KIAA1958: variants seen among roughly 807,000 people sequenced by gnomAD.
KIAA1958 encodes the protein uncharacterized protein KIAA1958.
Under a neutral mutation model 47.2 loss-of-function variants are expected in KIAA1958, and 14 were observed. That is an observed-to-expected ratio of 0.30 (90% confidence interval 0.20 to 0.46). The LOEUF (loss-of-function observed/expected upper bound fraction) is 0.46. Ranked by LOEUF, KIAA1958 falls within the 20% of genes least tolerant of loss-of-function variation. The pLI is 1.00. For synonymous variants in KIAA1958, 354 were observed against 353.3 expected, an observed-to-expected ratio of 1.00 and a Z score of -0.02; for missense variants, 803 against 909.2, an observed-to-expected ratio of 0.88 and a Z score of 1.50.
chr9:112,629,291 G>C (rs1443098630), intron 2 of KIAA1958, among the ~76,000 whole-genome samples: 8 of 152,106 alleles, frequency 5.3e-5, no homozygotes, highest in Non-Finnish European at 1.2e-4. Context: ...CTTTGAGGAT[G>C]CATTTACTTT....
chr9:112,564,554 C>T (rs1835395315), intron 1 of KIAA1958, among the ~76,000 whole-genome samples: 1 of 152,152 alleles, frequency 6.6e-6, no homozygotes, highest in Non-Finnish European at 1.5e-5. Flanking sequence ...ATAATCCTTT[C>T]ATACCTTTTT....
intron 1 of KIAA1958, among the ~76,000 whole-genome samples, chr9:112,550,155 GTCTTC>G (rs1443356247): frequency 1.3e-5 from 2 of 150,916 alleles, no homozygotes. Flanking sequence ...AATTTGGGAT[GTCTTC>G]TCTTTGGCTG....
chr9:112,555,416 C>T (rs773533384), intron 1 of KIAA1958, among the ~76,000 whole-genome samples: 2 of 152,186 alleles, frequency 1.3e-5, no homozygotes, highest in Non-Finnish European at 2.9e-5. Context: ...TCATGGTGTT[C>T]ACCCTCCTGC....
At chr9:112,532,836 G>A (rs1834773566) in intron 1 of KIAA1958, among the ~76,000 whole-genome samples, 1 of 152,294 alleles carries the variant, frequency 6.6e-6, no homozygotes, top group East Asian at 1.9e-4. Flanking sequence ...CAATGGTAAT[G>A]CCTCTTTTCT....
chr9:112,625,341 A>T (rs941173577), intron 2 of KIAA1958, among the ~76,000 whole-genome samples: 5 of 152,104 alleles, frequency 3.3e-5, no homozygotes, highest in Admixed American at 1.3e-4. Context: ...TTTTGTAGAC[A>T]TGGGATCTCA....
At chr9:112,636,356 G>A (rs1836804225) in intron 2 of KIAA1958, among the ~76,000 whole-genome samples, 2 of 151,988 alleles carry the variant, frequency 1.3e-5, no homozygotes, top group Admixed American at 1.3e-4. Flanking sequence ...TGTGTATTCT[G>A]AAGTTGTGTG....
At chr9:112,648,411 T>C (rs997704426) in intron 3 of KIAA1958, among the ~76,000 whole-genome samples, 2 of 152,198 alleles carry the variant, frequency 1.3e-5, no homozygotes, top group South Asian at 2.1e-4. Context: ...CTAAGAGCTC[T>C]GAAGATAATC....
chr9:112,513,606 G>T (rs1358779072), intron 1 of KIAA1958, among the ~76,000 whole-genome samples: 2 of 132,188 alleles, frequency 1.5e-5, no homozygotes, highest in African/African-American at 2.8e-5. Flanking sequence ...TGCCGCGACC[G>T]ACCGCAGCCG....
chr9:112,665,584 C>G lies in KIAA1958; in HGVS notation c.*5515C>G, dbSNP rs1248961664. 6.6e-6 allele frequency: 1 copy of G among 152,128 alleles called. No individual in the cohort carries two copies. The allele number at this position is 152,128 out of a possible 1,614,324, so 9.4% of individuals were successfully genotyped here. A position where few individuals can be genotyped will look rare whatever the true frequency, so the allele number is the denominator to read the frequency against. Reference sequence around the variant, plus strand: ...CCATTAACTTTAAGAAAGTTAAACACAGTTTTGGTTTGTTTGGCAAATATT... The same window carrying G: ...CCATTAACTTTAAGAAAGTTAAACAGAGTTTTGGTTTGTTTGGCAAATATT... On this transcript the variant is annotated 3_prime_UTR_variant, in exon 4 of 4. Transcript: ENST00000337530.
intron 1 of KIAA1958, among the ~76,000 whole-genome samples, chr9:112,516,815 C>G (rs7023600): frequency 0.95 from 145,481 of 152,342 alleles, 69,522 homozygotes; most frequent in African/African-American, 0.98. Flanking sequence ...AATGATTTAC[C>G]AATTGGGCAG....
chr9:112,661,576 G>A lies in KIAA1958; in HGVS notation c.*1507G>A, dbSNP rs1326168179. On this transcript the variant is annotated 3_prime_UTR_variant, in exon 4 of 4. Transcript: ENST00000337530. ...ATTTTAGTATTTATTTTAATTAATT[G>A]GTTTCTTAAAAAATCATACACTAGT... The A allele has an allele frequency of 1.3e-5, 2 of 151,976 alleles. No individual in the cohort carries two copies. The highest frequency in any genetic ancestry group is 2.9e-5 in the Non-Finnish European group (2 of 67,980). The allele number at this position is 151,976 out of a possible 1,614,324, so 9.4% of individuals were successfully genotyped here.
Position 112,495,952 on chromosome 9 carries a change from G to A in KIAA1958, c.-25+8834G>A, listed in dbSNP as rs552638248. 1.5e-4 allele frequency among the ~76,000 whole-genome samples: 23 copies of A among 152,100 alleles called. No homozygotes were observed. In the South Asian group the frequency reaches 2.3e-3, roughly 15 times the overall value. Reference sequence around the variant, plus strand: ...AGGAGAGGTTACTTGGAAGAGAATCGTGGTGCCCAGCCAATGACCAGTACT... The same window carrying A: ...AGGAGAGGTTACTTGGAAGAGAATCATGGTGCCCAGCCAATGACCAGTACT... On this transcript the variant is annotated intron_variant, in intron 1 of 3. Coordinates refer to ENST00000337530, the MANE Select transcript of KIAA1958 (RefSeq NM_133465.4).
chr9:112,547,642 A>T (rs887006886), intron 1 of KIAA1958, among the ~76,000 whole-genome samples: 1 of 152,166 alleles, frequency 6.6e-6, no homozygotes, highest in Non-Finnish European at 1.5e-5. Context: ...GAAGGCGCTG[A>T]AAGAAATTGA....
intron 2 of KIAA1958, among the ~76,000 whole-genome samples, chr9:112,605,500 A>G (rs1836215907): frequency 6.6e-6 from 1 of 152,204 alleles, no homozygotes; most frequent in African/African-American, 2.4e-5. Flanking sequence ...TACACAAAGC[A>G]GAGTTTATTG....
intron 1 of KIAA1958, among the ~76,000 whole-genome samples, chr9:112,531,225 C>T (rs1054142328): frequency 1.3e-5 from 2 of 152,066 alleles, no homozygotes; most frequent in African/African-American, 2.4e-5. Flanking sequence ...CCCATCTCTA[C>T]TAAAAATACA....
chr9:112,575,571 A>AG (rs770481123), intron 2 of KIAA1958, among the ~76,000 whole-genome samples: 9 of 152,112 alleles, frequency 5.9e-5, no homozygotes, highest in Non-Finnish European at 4.4e-5. Context: ...AGTTTTAAAA[A>AG]TATGCTTCTC....
chr9:112,657,072 A>G (rs1837164195), intron 3 of KIAA1958, among the ~76,000 whole-genome samples: 1 of 151,746 alleles, frequency 6.6e-6, no homozygotes, highest in South Asian at 2.1e-4. Context: ...TTTCTAGTCC[A>G]TTAATTTTTT....
intron 1 of KIAA1958, among the ~76,000 whole-genome samples, chr9:112,533,538 G>A (rs1023315959): frequency 2.1e-4 from 28 of 134,742 alleles, no homozygotes; most frequent in Non-Finnish European, 2.0e-4. Context: ...CCAAGATCGC[G>A]CCACCACACT....
At chr9:112,487,946 CGTGTGTGTGT>C (rs57108785) in intron 1 of KIAA1958, among the ~76,000 whole-genome samples, 10 of 145,734 alleles carry the variant, frequency 6.9e-5, no homozygotes, top group South Asian at 6.6e-4. Context: ...AGTGTGTGTG[CGTGTGTGTGT>C]GTGTGTGTGT....
Sources: allele counts gnomAD v4.1 joint callset (sites outside exome capture counted in the v4.1 genomes callset), GRCh38; gene constraint gnomAD v4.1.1; transcripts MANE v1.5; gene names NCBI Gene and HGNC (gene_info 2026-07-23, HGNC 2026-07-21).